Variants in HIRA observed in about 807,000 individuals in gnomAD.
HIRA encodes the protein protein HIRA.
Under a neutral mutation model 126.6 loss-of-function variants are expected in HIRA, and 13 were observed. The ratio of observed to expected loss-of-function variants is 0.10; its 90% CI spans 0.07 to 0.16. The LOEUF (loss-of-function observed/expected upper bound fraction) is 0.16, where lower values mean the gene tolerates loss of function less well. HIRA is among the 10% of genes least tolerant of loss of function. The pLI is 1.00. For missense variants in HIRA, 834 were observed against 1,314.4 expected, an observed-to-expected ratio of 0.63 and a Z score of 5.65; for synonymous variants, 511 against 520.0, an observed-to-expected ratio of 0.98 and a Z score of 0.24.
chr22:19,369,544 C>T (rs1344193005), intron 15 of HIRA, among the ~76,000 whole-genome samples: 1 of 152,114 alleles, frequency 6.6e-6, no homozygotes, highest in African/African-American at 2.4e-5. Context: ...ATCCCTCCTC[C>T]CTCTCTGAGG....
intron 2 of HIRA, among the ~76,000 whole-genome samples, chr22:19,410,484 C>T (rs899774830): frequency 6.6e-6 from 1 of 152,176 alleles, no homozygotes; most frequent in African/African-American, 2.4e-5. Context: ...ACTCAATAAA[C>T]AGAAATTAGA....
Position 19,354,131 on chromosome 22 carries a change from A to G in HIRA, c.2562-13T>C. 2 of 1,610,810 alleles carry G rather than the reference A, an allele frequency of 1.2e-6. No individual in the cohort carries two copies. Among genetic ancestry groups the G allele is most frequent in the South Asian group, 2.2e-5 (2 of 90,512 alleles). On this transcript the variant is annotated splice_polypyrimidine_tract_variant and intron_variant, in intron 21 of 24. Coordinates refer to ENST00000263208, the MANE Select transcript of HIRA (RefSeq NM_003325.4). Reference sequence around the variant, plus strand: ...AGAAACCAGGTTCCTGGGGAGGCAAAGGCAGGAGCAGAGCTCAGGAAAACC... The same window carrying G: ...AGAAACCAGGTTCCTGGGGAGGCAAGGGCAGGAGCAGAGCTCAGGAAAACC...
Position 19,424,526 on chromosome 22 carries a change from G to C in HIRA, c.37+6914C>G, listed in dbSNP as rs530502844. Among the ~76,000 whole-genome samples, 3 of 152,286 alleles carry C rather than the reference G, an allele frequency of 2.0e-5. No individual in the cohort carries two copies. In the East Asian group the frequency reaches 5.8e-4, roughly 29 times the overall value. On this transcript the variant is annotated intron_variant, in intron 1 of 24. Coordinates refer to ENST00000263208, the MANE Select transcript of HIRA (RefSeq NM_003325.4). ...GAAGCAGTCAGAGGACAAGCTCCAG[G>C]GACCAGACTCCTGGTCCCATGCTGT... is the stretch of plus-strand genomic sequence containing the variant.
In HIRA at chr22:19,397,524, T is replaced by C. The variant is rs188363516; in HGVS notation, c.493+468A>G. Among the ~76,000 whole-genome samples the C allele has an allele frequency of 1.5e-3, 227 of 152,304 alleles. 1 individual carries two copies. The highest frequency in any genetic ancestry group is 4.9e-3 in the African/African-American group (202 of 41,554). ...ATACAGAGCTGAAATATGAGAAGAA[T>C]TTTACTAGTTATAAACTGCAGCACT... On this transcript the variant is annotated intron_variant, in intron 6 of 24. Transcript: ENST00000263208.
At chr22:19,353,232 C>G in intron 23 of HIRA, 124 bp downstream of exon 23, 1 of 1,199,134 alleles carries the variant, frequency 8.3e-7, no homozygotes, top group Non-Finnish European at 1.2e-6. Context: ...GACTGCAGCT[C>G]AGGCTGGGAG....
chr22:19,378,496 T>C (rs981966062), intron 13 of HIRA, among the ~76,000 whole-genome samples: 2 of 152,254 alleles, frequency 1.3e-5, no homozygotes, highest in African/African-American at 4.8e-5. Context: ...CAAGACTGTC[T>C]CCAGCTTTTT....
chr22:19,354,264 C>G (rs1435549296), intron 21 of HIRA, 146 bp from the exon 22 acceptor site: 15 of 721,526 alleles, frequency 2.1e-5, no homozygotes, highest in Middle Eastern at 3.6e-4. Context: ...CGCCCCTGCA[C>G]TTCCGCACAG....
intron 9 of HIRA, among the ~76,000 whole-genome samples, chr22:19,389,172 C>A (rs1217745190): frequency 6.6e-6 from 1 of 152,140 alleles, no homozygotes; most frequent in Non-Finnish European, 1.5e-5. Context: ...TTATTTTATT[C>A]TTCATAGTTG....
chr22:19,351,079 C>T lies in HIRA; in HGVS notation c.2937+279G>A. The T allele has an allele frequency of 2.0e-6, 2 of 975,950 alleles. No homozygotes were observed. The highest frequency in any genetic ancestry group is 4.7e-5 in the South Asian group (1 of 21,076). 60.5% of individuals were successfully genotyped at this position (975,950 alleles called of 1,614,324 possible). ...ACGAAGGCAGGGAAGTACCTTCCGTCTTTTGTCTTCACAACCAAGCCCAGA... is the reference window on the plus strand; with the variant it reads ...ACGAAGGCAGGGAAGTACCTTCCGTTTTTTGTCTTCACAACCAAGCCCAGA... On this transcript the variant is annotated intron_variant, in intron 24 of 24. Transcript: ENST00000263208. This position sits in a 1 kb window ranked among gnomAD's most constrained non-coding sequence, Gnocchi z 4.8.
chr22:19,390,424 C>A (rs903281849), intron 9 of HIRA, among the ~76,000 whole-genome samples: 1 of 151,654 alleles, frequency 6.6e-6, no homozygotes, highest in Non-Finnish European at 1.5e-5. Context: ...GAAACCCCAT[C>A]TTTACTAAAA....
At chr22:19,411,211 T>A (rs2089349510) in intron 1 of HIRA, among the ~76,000 whole-genome samples, 1 of 152,244 alleles carries the variant, frequency 6.6e-6, no homozygotes, top group Non-Finnish European at 1.5e-5. Context: ...TTGTCATACT[T>A]CTGCTTCCAA....
intron 9 of HIRA, among the ~76,000 whole-genome samples, chr22:19,391,564 C>T (rs920684438): frequency 6.6e-6 from 1 of 151,310 alleles, no homozygotes; most frequent in African/African-American, 2.4e-5. Context: ...TCACTGCAAG[C>T]TCTGCCTCCC....
intron 5 of HIRA, among the ~76,000 whole-genome samples, chr22:19,403,477 T>C (rs2089285771): frequency 1.3e-5 from 2 of 152,016 alleles, no homozygotes; most frequent in South Asian, 4.1e-4. Flanking sequence ...CCGGGTGTGG[T>C]GGCACGTGCC....
At chr22:19,405,974 C>A in intron 4 of HIRA, 94 bp from the exon 5 acceptor site, 3 of 744,766 alleles carry the variant, frequency 4.0e-6, no homozygotes. Flanking sequence ...GCACACAGAA[C>A]AAAGCAAAAA....
At chr22:19,388,811 C>T (rs868568469) in intron 9 of HIRA, among the ~76,000 whole-genome samples, 1 of 152,210 alleles carries the variant, frequency 6.6e-6, no homozygotes, top group Admixed American at 6.5e-5. Context: ...GCTTTATACA[C>T]AGATAACTAG....
intron 24 of HIRA, among the ~76,000 whole-genome samples, chr22:19,333,093 G>A (rs1401005284): frequency 2.0e-5 from 3 of 152,154 alleles, no homozygotes; most frequent in East Asian, 3.9e-4. Flanking sequence ...ATATTTAGTA[G>A]AGCGGGGTTT....
Position 19,359,060 on chromosome 22 carries a change from G to A in HIRA, c.2234+276C>T, listed in dbSNP as rs1008137735. On this transcript the variant is annotated intron_variant, in intron 18 of 24. Transcript: ENST00000263208. ...AGACTTTGGGGATCTGGCTGGACAA[G>A]GGAATCAGGCCATCAGGTTCAAAGC... 2.6e-5 allele frequency among the ~76,000 whole-genome samples: 4 copies of A among 152,292 alleles called. 1 individual carries two copies. Among genetic ancestry groups the A allele is most frequent in the South Asian group, 4.1e-4 (2 of 4,824 alleles).
intron 11 of HIRA, 92 bp downstream of exon 11, chr22:19,387,619 C>T: frequency 1.2e-6 from 1 of 817,360 alleles, no homozygotes; most frequent in African/African-American, 1.7e-5. Context: ...GTCTGTGTAT[C>T]TCACAAGAAG....
At chr22:19,343,392 G>GA (rs1323735156) in intron 24 of HIRA, among the ~76,000 whole-genome samples, 1 of 150,510 alleles carries the variant, frequency 6.6e-6, no homozygotes, top group Non-Finnish European at 1.5e-5. Context: ...CCTCTACCAA[G>GA]AAAAAAAATA....
Sources: allele counts gnomAD v4.1 joint callset (sites outside exome capture counted in the v4.1 genomes callset), GRCh38; gene constraint gnomAD v4.1.1; non-coding constraint Gnocchi (gnomAD v3.1); transcripts MANE v1.5; gene names NCBI Gene and HGNC (gene_info 2026-07-23, HGNC 2026-07-21).